PKHD1L1: variants seen among roughly 807,000 people sequenced by gnomAD.
PKHD1L1 encodes fibrocystin-L.
A neutral mutation model predicts 462.9 loss-of-function variants in PKHD1L1; 434 were observed. That is an observed-to-expected ratio of 0.94 (90% CI 0.87 to 1.02). PKHD1L1 has a LOEUF of 1.02. PKHD1L1 is among the 50% of genes least tolerant of loss of function. PKHD1L1 has a pLI of 0.00. For synonymous variants in PKHD1L1, 1,781 were observed against 1,750.0 expected (o/e 1.02, Z -0.44); for missense variants, 5,202 against 5,096.1 (o/e 1.02, Z -0.63).
At chr8:109,485,317 T>A (rs1231925737) in intron 58 of PKHD1L1, 144 bp downstream of exon 58, 3 of 679,686 alleles carry the variant, frequency 4.4e-6, no homozygotes, top group Non-Finnish European at 6.9e-6. Flanking sequence ...ACCCAGTGAG[T>A]GCTGCTCTTT....
intron 2 of PKHD1L1, among the ~76,000 whole-genome samples, chr8:109,369,608 A>T (rs1298757296): frequency 6.7e-6 from 1 of 148,836 alleles, no homozygotes; most frequent in Non-Finnish European, 1.5e-5. Context: ...TTGACATGAC[A>T]TGTACCTGAT....
At chr8:109,496,799 A>G in intron 63 of PKHD1L1, 120 bp from the exon 64 acceptor site, 1 of 1,041,724 alleles carries the variant, frequency 9.6e-7, no homozygotes, top group Non-Finnish European at 1.4e-6. Flanking sequence ...ATTAAACCTG[A>G]TATCAGAATT....
chr8:109,486,884 C>T, intron 59 of PKHD1L1, 63 bp downstream of exon 59: 1 of 1,412,894 alleles, frequency 7.1e-7, no homozygotes, highest in Non-Finnish European at 9.6e-7. Flanking sequence ...TATATGTAGT[C>T]AGCTCTTACA....
chr8:109,461,861 C>T lies in PKHD1L1; in HGVS notation c.7336C>T (p.Pro2446Ser), dbSNP rs1343952887. Residue 2446 changes from proline (P) to serine (S), a missense_variant, in exon 48 of 78, where the codon CCT becomes TCT. Pro to Ser is a moderately conservative substitution (Grantham distance 74). Coordinates refer to ENST00000378402, the MANE Select transcript of PKHD1L1 (RefSeq NM_177531.6). ...TGGAGGCTGCGTTATGTTTCATGCT[C>T]CTGTACCTGGTGCTAACATGGTAAC... Reference protein sequence around the residue: ...QFGGCVMFHAPVPGANMVTGR... With the variant: ...QFGGCVMFHASVPGANMVTGR... The T allele has an allele frequency of 4.4e-6, 7 of 1,605,430 alleles. No homozygotes were observed. The highest frequency in any genetic ancestry group is 1.7e-5 in the Admixed American group (1 of 58,878).
At chr8:109,373,183 C>T (rs982186598) in intron 2 of PKHD1L1, among the ~76,000 whole-genome samples, 1 of 152,078 alleles carries the variant, frequency 6.6e-6, no homozygotes, top group Middle Eastern at 3.2e-3. Flanking sequence ...AATTTCAGAG[C>T]CTGTTATTGG....
chr8:109,518,430 A>C lies in PKHD1L1; in HGVS notation c.11953A>C (p.Arg3985=), dbSNP rs1172729122. ...ISKIRGKSLR[R]KRSMGFIIEI... is the part of the protein sequence containing the mutation. The stretch of plus-strand genomic sequence containing the variant: ...CAAAATAAGAGGGAAGAGTCTGAGG[A>C]GGAAGAGATCCATGGGATTCATAAT... The change falls in exon 73 of 78, where the codon AGG becomes CGG. Residue 3985 remains arginine (R), a synonymous_variant. Coordinates refer to ENST00000378402, the MANE Select transcript of PKHD1L1 (RefSeq NM_177531.6). The C allele has an allele frequency of 6.2e-7, 1 of 1,612,122 alleles. No homozygotes were observed. Among genetic ancestry groups the C allele is most frequent in the African/African-American group, 1.3e-5 (1 of 74,916 alleles).
intron 31 of PKHD1L1, 59 bp downstream of exon 31, chr8:109,438,515 A>G (rs1041551696): frequency 3.5e-5 from 50 of 1,412,234 alleles, no homozygotes; most frequent in African/African-American, 5.9e-5. Context: ...CATTTCTAGA[A>G]AGGCTTTTGA....
At chr8:109,514,390 C>G (rs560921223) in intron 71 of PKHD1L1, among the ~76,000 whole-genome samples, 4 of 152,152 alleles carry the variant, frequency 2.6e-5, no homozygotes, top group Admixed American at 2.0e-4. Flanking sequence ...TCTCATCACT[C>G]TTGAATATAA....
intron 5 of PKHD1L1, among the ~76,000 whole-genome samples, chr8:109,384,917 A>T (rs991192219): frequency 4.6e-5 from 7 of 151,952 alleles, no homozygotes; most frequent in African/African-American, 1.7e-4. Context: ...AGTTACAAGG[A>T]TTCTTTATAT....
chr8:109,447,859 A>T (rs1816239315), intron 38 of PKHD1L1, among the ~76,000 whole-genome samples: 2 of 152,124 alleles, frequency 1.3e-5, no homozygotes, highest in African/African-American at 4.8e-5. Context: ...CTCCTCCTCT[A>T]TTCTCTATTA....
chr8:109,423,566 A>T lies in PKHD1L1; in HGVS notation c.2698-1519A>T, dbSNP rs369713280. On this transcript the variant is annotated intron_variant, in intron 23 of 77. Coordinates refer to ENST00000378402, the MANE Select transcript of PKHD1L1 (RefSeq NM_177531.6). ...AACATTGAGTAGAGTGATTCTTCTTACTTTATTTTTCTTGTGCAAAATTGT... is the reference window on the plus strand; with the variant it reads ...AACATTGAGTAGAGTGATTCTTCTTTCTTTATTTTTCTTGTGCAAAATTGT... 9.2e-5 allele frequency among the ~76,000 whole-genome samples: 14 copies of T among 152,254 alleles called. No individual in the cohort carries two copies. The South Asian group carries it at 2.9e-3, about 32-fold the overall frequency.
chr8:109,479,002 C>A (rs1191036891), intron 53 of PKHD1L1, among the ~76,000 whole-genome samples: 1 of 151,842 alleles, frequency 6.6e-6, no homozygotes, highest in Non-Finnish European at 1.5e-5. Flanking sequence ...CTTTGTTGAT[C>A]GTAACATGGC....
chr8:109,373,103 G>T (rs1811605706), intron 2 of PKHD1L1, among the ~76,000 whole-genome samples: 2 of 152,134 alleles, frequency 1.3e-5, no homozygotes, highest in Admixed American at 6.5e-5. Flanking sequence ...CTTGTCCTCT[G>T]GTAGAATTCG....
Position 109,436,342 on chromosome 8 carries a change from T to C in PKHD1L1, c.3510T>C (p.Gly1170=). Residue 1170 remains glycine, a synonymous_variant, in exon 30 of 78, where the codon GGT becomes GGC. Coordinates refer to ENST00000378402, the MANE Select transcript of PKHD1L1 (RefSeq NM_177531.6). ...IWPDSGSIAG[G]TLLTLSGFGF... is the part of the protein sequence containing the mutation. ...TTGTTTGCTTTTCTTATGAAGGTGG[T>C]ACTCTACTGACTTTATCTGGATTTG... The C allele has an allele frequency of 6.2e-7, 1 of 1,611,202 alleles. No homozygotes were observed. The highest frequency in any genetic ancestry group is 1.3e-5 in the African/African-American group (1 of 74,892).
chr8:109,436,522 A>G, intron 30 of PKHD1L1, 63 bp downstream of exon 30: 2 of 1,586,962 alleles, frequency 1.3e-6, no homozygotes, highest in East Asian at 2.3e-5. Flanking sequence ...ATTAGGAAAC[A>G]TCTCAGTGGG....
At position 109,526,856 on chromosome 8, in the gene PKHD1L1, C is replaced by T; in HGVS notation, c.12557C>T (p.Ala4186Val). The T allele has an allele frequency of 3.1e-6, 5 of 1,600,262 alleles. No individual in the cohort carries two copies. Among genetic ancestry groups the T allele is most frequent in the Non-Finnish European group, 4.3e-6 (5 of 1,172,802 alleles). The change falls in exon 77 of 78, where the codon GCA becomes GTA. Residue 4186 changes from alanine (A) to valine (V), a missense_variant. Around this residue, in one of 3 missense-constraint regions of PKHD1L1, gnomAD observed 698 missense variants for 736.3 expected, o/e 0.95. Coordinates refer to ENST00000378402, the MANE Select transcript of PKHD1L1 (RefSeq NM_177531.6). ...GAATCCAGAACTTTCAGCCTGCTGG[C>T]AGAGTCTGTCTCTAGCAGTGGCAGC... ...GVESRTFSLL[A>V]ESVSSSGSSS...
chr8:109,513,414 GA>G (rs1820104204), intron 71 of PKHD1L1, among the ~76,000 whole-genome samples: 1 of 152,080 alleles, frequency 6.6e-6, no homozygotes, highest in South Asian at 2.1e-4. Context: ...ATACACCTTT[GA>G]AATTTACTTC....
chr8:109,518,052 A>G (rs1356436068), intron 72 of PKHD1L1, 115 bp from the exon 73 acceptor site: 1 of 707,382 alleles, frequency 1.4e-6, no homozygotes, highest in Non-Finnish European at 2.3e-6. Flanking sequence ...TTATGAAAGA[A>G]TGATAAAGTT....
In PKHD1L1 at chr8:109,400,148, A is replaced by G. The variant is rs115264251; in HGVS notation, c.1085A>G (p.Asn362Ser). ...PIRLEEILEY[N>S]EKTPGYMGAS... is the part of the protein sequence containing the mutation. ...CGTTTGGAAGAGATACTGGAATACAATGAAAAAACGCCTGGGTACATGGGT... is the reference window on the plus strand; with the variant it reads ...CGTTTGGAAGAGATACTGGAATACAGTGAAAAAACGCCTGGGTACATGGGT... Residue 362 changes from asparagine (N) to serine (S), a missense_variant, in exon 13 of 78, where the codon AAT becomes AGT. By Grantham distance (46) the Asn-to-Ser change is conservative. Around this residue, in one of 3 missense-constraint regions of PKHD1L1, gnomAD observed 4,497 missense variants for 4,336.8 expected, o/e 1.04. Coordinates refer to ENST00000378402, the MANE Select transcript of PKHD1L1 (RefSeq NM_177531.6). 1,508 of 1,613,690 alleles carry G rather than the reference A, an allele frequency of 9.3e-4. 15 individuals are homozygous for G. The African/African-American group carries it at 0.018, about 19-fold the overall frequency.
Sources: allele counts gnomAD v4.1 joint callset (sites outside exome capture counted in the v4.1 genomes callset), GRCh38; gene constraint gnomAD v4.1.1; regional missense constraint gnomAD v4.1.1; transcripts MANE v1.5; gene names NCBI Gene and HGNC (gene_info 2026-07-23, HGNC 2026-07-21).